Variants in ADGRL2 observed in about 807,000 individuals in gnomAD.
ADGRL2 encodes the protein calcium-independent alpha-latrotoxin receptor 2.
Under a neutral mutation model 157.4 loss-of-function variants are expected in ADGRL2, and 44 were observed. That is an observed-to-expected ratio of 0.28 (90% CI 0.22 to 0.36). The LOEUF (loss-of-function observed/expected upper bound fraction) is 0.36. Among genes scored for constraint, ADGRL2 ranks in the 10% least tolerant of loss-of-function variants. ADGRL2 has a pLI of 1.00. For synonymous variants in ADGRL2, 585 were observed against 624.7 expected (o/e 0.94, Z 0.95); for missense variants, 1,510 against 1,768.9 (o/e 0.85, Z 2.63).
At chr1:81,984,392 A>C in intron 19 of ADGRL2, 191 bp from the exon 20 acceptor site, 2 of 500,996 alleles carry the variant, frequency 4.0e-6, no homozygotes, top group Non-Finnish European at 3.5e-6. Flanking sequence ...TCTAGTGGAC[A>C]GAGATACTTT....
At chr1:81,978,177 C>T (rs1377738102) in intron 17 of ADGRL2, among the ~76,000 whole-genome samples, 2 of 151,474 alleles carry the variant, frequency 1.3e-5, no homozygotes, top group East Asian at 3.9e-4. Context: ...ACTATACTAC[C>T]AAAGGACCTC....
chr1:81,379,412 C>T (rs997811505), intron 1 of ADGRL2, among the ~76,000 whole-genome samples: 8 of 152,152 alleles, frequency 5.3e-5, no homozygotes, highest in Admixed American at 3.9e-4. Context: ...CAGTGAGACC[C>T]CCTTCCTTAT....
Position 81,951,103 on chromosome 1 carries a change from G to A in ADGRL2, c.1590G>A (p.Val530=). 3.7e-6 allele frequency: 6 copies of A among 1,612,626 alleles called. No individual in the cohort carries two copies. The highest frequency in any genetic ancestry group is 5.1e-6 in the Non-Finnish European group (6 of 1,178,782). The stretch of plus-strand genomic sequence containing the variant: ...TTAGCAACTGTACCTCACACTGGGT[G>A]AATCAGCTGGCTCAGAAGGTTGGTT... ...PDLSNCTSHW[V]NQLAQKIRSG... The change falls in exon 8 of 24, where the codon GTG becomes GTA. Residue 530 remains valine (V), a synonymous_variant. Coordinates refer to ENST00000686636, the MANE Select transcript of ADGRL2 (RefSeq NM_001366006.2).
At chr1:81,977,516 AT>A (rs1282684127) in intron 17 of ADGRL2, among the ~76,000 whole-genome samples, 1 of 151,626 alleles carries the variant, frequency 6.6e-6, no homozygotes, top group African/African-American at 2.4e-5. Flanking sequence ...GTTGTCCCTG[AT>A]TTTTGCCATT....
At chr1:81,647,078 A>G (rs1311852160) in intron 3 of ADGRL2, among the ~76,000 whole-genome samples, 2 of 152,240 alleles carry the variant, frequency 1.3e-5, no homozygotes, top group Admixed American at 1.3e-4. Context: ...AGCTCAAAGA[A>G]ATTGAGATTC....
chr1:81,404,656 T>C (rs2101323905), intron 1 of ADGRL2, among the ~76,000 whole-genome samples: 1 of 152,314 alleles, frequency 6.6e-6, no homozygotes, highest in African/African-American at 2.4e-5. Flanking sequence ...CTTAATTACT[T>C]TCAATATAGT....
At chr1:81,710,332 C>A (rs1248584523) in intron 1 of ADGRL2, among the ~76,000 whole-genome samples, 2 of 151,994 alleles carry the variant, frequency 1.3e-5, no homozygotes, top group Non-Finnish European at 2.9e-5. Context: ...ATTGAGGATT[C>A]TAAGAACTCT....
intron 3 of ADGRL2, among the ~76,000 whole-genome samples, chr1:81,632,476 A>T: frequency 6.6e-6 from 1 of 152,176 alleles, no homozygotes; most frequent in Non-Finnish European, 1.5e-5. Flanking sequence ...AGAAAGTCAT[A>T]GGCCCGGCAC....
intron 1 of ADGRL2, among the ~76,000 whole-genome samples, chr1:81,368,348 T>C (rs2076102520): frequency 6.6e-6 from 1 of 152,196 alleles, no homozygotes; most frequent in South Asian, 2.1e-4. Flanking sequence ...TGTCTGTTCA[T>C]GTACCAGGCA....
At chr1:81,481,821 C>G (rs1190161762) in intron 2 of ADGRL2, among the ~76,000 whole-genome samples, 1 of 152,152 alleles carries the variant, frequency 6.6e-6, no homozygotes, top group Non-Finnish European at 1.5e-5. Flanking sequence ...TCATCCTGCT[C>G]CTTAACTTCA....
chr1:81,696,656 G>A (rs182730939), upstream of ADGRL2, among the ~76,000 whole-genome samples: 78 of 152,272 alleles, frequency 5.1e-4, 1 homozygote, highest in African/African-American at 1.8e-3. Context: ...GGAGGCTGAG[G>A]CAGGAGAATG....
chr1:81,637,003 T>G (rs971784056), intron 3 of ADGRL2, among the ~76,000 whole-genome samples: 1 of 152,086 alleles, frequency 6.6e-6, no homozygotes, highest in Non-Finnish European at 1.5e-5. Context: ...ATCTGGCTAA[T>G]TTTTGAATTT....
At chr1:81,778,283 C>G (rs2086674322) in intron 2 of ADGRL2, among the ~76,000 whole-genome samples, 1 of 150,668 alleles carries the variant, frequency 6.6e-6, no homozygotes. Flanking sequence ...GATCACGCCA[C>G]TGCACTCCAG....
chr1:81,511,922 G>C (rs1041555376), intron 2 of ADGRL2, among the ~76,000 whole-genome samples: 1 of 151,798 alleles, frequency 6.6e-6, no homozygotes, highest in South Asian at 2.1e-4. Context: ...AAATCTCAAC[G>C]TTTTATAATA....
At chr1:81,884,584 T>C (rs2094078636) in intron 2 of ADGRL2, among the ~76,000 whole-genome samples, 1 of 152,224 alleles carries the variant, frequency 6.6e-6, no homozygotes, top group Non-Finnish European at 1.5e-5. Flanking sequence ...AAACACTATG[T>C]ATCTGCTCTT....
Position 81,409,298 on chromosome 1 carries a change from C to CACAT in ADGRL2, c.-301-35737_-301-35734dup, listed in dbSNP as rs2076910345. ...ACCTCTGGAAGGAACACAAAAAACA[C>CACAT]ACATTTGTACCAGTTAGCAGCCCTA... On this transcript the variant is annotated intron_variant, in intron 1 of 24. Transcript: ENST00000370721. Among the ~76,000 whole-genome samples, 5 of 151,894 alleles carry CACAT rather than the reference C, an allele frequency of 3.3e-5. No individual in the cohort carries two copies. The South Asian group carries it at 1.0e-3, about 32-fold the overall frequency.
At position 81,971,821 on chromosome 1, in the gene ADGRL2, A is replaced by C. The variant is rs959806120; in HGVS notation, c.2955-31A>C. On this transcript the variant is annotated intron_variant, in intron 16 of 23. Transcript: ENST00000686636. ...GTGATGTTGAGGTTCCATAGAAACT[A>C]CTAATGCATATTCTTCTCTTTTCAT... The C allele has an allele frequency of 4.1e-6, 5 of 1,226,478 alleles. No homozygotes were observed. The African/African-American group carries it at 7.5e-5, about 18-fold the overall frequency. 76.0% of individuals were successfully genotyped at this position (1,226,478 alleles called of 1,614,324 possible). A position where few individuals can be genotyped will look rare whatever the true frequency, so the allele number is the denominator to read the frequency against.
At chr1:81,412,822 G>T (rs1407188212) in intron 1 of ADGRL2, among the ~76,000 whole-genome samples, 2 of 152,198 alleles carry the variant, frequency 1.3e-5, no homozygotes, top group African/African-American at 4.8e-5. Context: ...ATATGAGTCA[G>T]TCCAATGTGT....
At chr1:81,777,265 T>G (rs942765781) in intron 2 of ADGRL2, among the ~76,000 whole-genome samples, 2 of 152,216 alleles carry the variant, frequency 1.3e-5, no homozygotes, top group Non-Finnish European at 2.9e-5. Context: ...CCTAAATCAC[T>G]TCTTCTTTTG....
Sources: allele counts gnomAD v4.1 joint callset (sites outside exome capture counted in the v4.1 genomes callset), GRCh38; gene constraint gnomAD v4.1.1; transcripts MANE v1.5; gene names NCBI Gene and HGNC (gene_info 2026-07-23, HGNC 2026-07-21).